RGS7: variants seen among roughly 807,000 people sequenced by gnomAD.
The protein encoded by RGS7 is regulator of G-protein signaling 7.
In RGS7, 27 loss-of-function variants were observed where a neutral mutation model predicts 81.1. The ratio of observed to expected loss-of-function variants is 0.33; its 90% CI spans 0.25 to 0.46. The LOEUF (loss-of-function observed/expected upper bound fraction) is 0.46. Among genes scored for constraint, RGS7 ranks in the 20% least tolerant of loss-of-function variants. The pLI is 1.00. For missense variants in RGS7, 396 were observed against 607.4 expected (o/e 0.65, Z 3.66); for synonymous variants, 208 against 207.7 (o/e 1.00, Z -0.01).
chr1:241,059,890 ACACT>A (rs2061659449), intron 3 of RGS7, among the ~76,000 whole-genome samples: 2 of 152,242 alleles, frequency 1.3e-5, no homozygotes, highest in Admixed American at 1.3e-4. Context: ...AAATGGATCT[ACACT>A]CACTCAATGG....
intron 2 of RGS7, among the ~76,000 whole-genome samples, chr1:241,157,441 C>T (rs2069252291): frequency 6.6e-6 from 1 of 152,204 alleles, no homozygotes; most frequent in Non-Finnish European, 1.5e-5. Context: ...TTGGTTCGCT[C>T]CCTGTGGTCA....
intron 9 of RGS7, among the ~76,000 whole-genome samples, chr1:240,858,135 A>G (rs181732227): frequency 5.3e-5 from 8 of 152,222 alleles, no homozygotes; most frequent in Non-Finnish European, 1.0e-4. Flanking sequence ...AATATACCAT[A>G]GTTATTTTTT....
intron 6 of RGS7, among the ~76,000 whole-genome samples, chr1:240,908,945 A>G (rs1357895483): frequency 6.6e-6 from 1 of 152,254 alleles, no homozygotes; most frequent in Non-Finnish European, 1.5e-5. Context: ...TTATGCTAAC[A>G]TTTGGAACGC....
chr1:240,791,626 T>C (rs1036830315), intron 18 of RGS7, among the ~76,000 whole-genome samples: 6 of 152,206 alleles, frequency 3.9e-5, no homozygotes, highest in African/African-American at 1.2e-4. Context: ...TGAGTATATA[T>C]GAAGCTACAT....
At chr1:241,309,259 G>A (rs753339834) in intron 2 of RGS7, among the ~76,000 whole-genome samples, 5 of 151,422 alleles carry the variant, frequency 3.3e-5, no homozygotes, top group Non-Finnish European at 5.9e-5. Flanking sequence ...GGTGGCAGGC[G>A]CTTGTAATCC....
At chr1:240,983,161 A>T in intron 3 of RGS7, 32 bp from the exon 4 acceptor site, 1 of 1,264,582 alleles carries the variant, frequency 7.9e-7, no homozygotes, top group African/African-American at 1.5e-5. Context: ...ACACAAACAG[A>T]TGTGAACATT....
chr1:241,125,175 T>G (rs1018766237), intron 2 of RGS7, among the ~76,000 whole-genome samples: 1 of 152,176 alleles, frequency 6.6e-6, no homozygotes, highest in Non-Finnish European at 1.5e-5. Flanking sequence ...ATTCTTTTCA[T>G]GGCTTAGCTC....
At chr1:240,879,547 T>C (rs1572559727) in intron 6 of RGS7, among the ~76,000 whole-genome samples, 1 of 152,228 alleles carries the variant, frequency 6.6e-6, no homozygotes, top group East Asian at 1.9e-4. Flanking sequence ...CTCTCTCTGA[T>C]GGTATTTCTT....
intron 2 of RGS7, among the ~76,000 whole-genome samples, chr1:241,354,990 A>T (rs181753093): frequency 6.6e-6 from 1 of 151,278 alleles, no homozygotes; most frequent in African/African-American, 2.4e-5. Flanking sequence ...CATCTTTATT[A>T]TGGTTGCTCA....
intron 2 of RGS7, among the ~76,000 whole-genome samples, chr1:241,241,349 A>G (rs2076249073): frequency 6.6e-6 from 1 of 151,920 alleles, no homozygotes; most frequent in Non-Finnish European, 1.5e-5. Flanking sequence ...AAAAGTAATG[A>G]CAAAAACCAC....
At chr1:241,277,391 G>A (rs796171291) in intron 2 of RGS7, among the ~76,000 whole-genome samples, 7 of 152,234 alleles carry the variant, frequency 4.6e-5, no homozygotes, top group South Asian at 4.1e-4. Context: ...AGGCCGAGGC[G>A]GGCGGATCAC....
At chr1:240,966,053 A>G (rs556943222) in intron 4 of RGS7, among the ~76,000 whole-genome samples, 26 of 152,316 alleles carry the variant, frequency 1.7e-4, no homozygotes, top group African/African-American at 6.3e-4. Context: ...CAGTGGAGCA[A>G]TTCTGGGATT....
intron 6 of RGS7, 141 bp downstream of exon 6, chr1:240,930,576 A>G: frequency 1.2e-6 from 1 of 828,754 alleles, no homozygotes. Flanking sequence ...AAAGCCGCTT[A>G]TCAATTCAAT....
chr1:240,895,658 G>C (rs1329455215), intron 6 of RGS7, among the ~76,000 whole-genome samples: 1 of 152,112 alleles, frequency 6.6e-6, no homozygotes, highest in African/African-American at 2.4e-5. Context: ...TGGTGTATAT[G>C]TGCCACATTT....
intron 4 of RGS7, among the ~76,000 whole-genome samples, chr1:240,957,109 G>A (rs1320490449): frequency 6.6e-6 from 1 of 152,158 alleles, no homozygotes; most frequent in African/African-American, 2.4e-5. Flanking sequence ...GACTGGCAGA[G>A]GCAGACCACC....
At chr1:241,154,770 G>C (rs995000715) in intron 2 of RGS7, among the ~76,000 whole-genome samples, 2 of 152,134 alleles carry the variant, frequency 1.3e-5, no homozygotes, top group African/African-American at 2.4e-5. Context: ...AGAGAGAAAT[G>C]GCAGACAATT....
intron 6 of RGS7, among the ~76,000 whole-genome samples, chr1:240,926,915 T>C (rs549519173): frequency 1.1e-3 from 169 of 152,340 alleles, no homozygotes; most frequent in African/African-American, 4.0e-3. Flanking sequence ...CATTTTTCTA[T>C]AAAACCAAGA....
At chr1:240,986,326 C>T (rs1442325702) in intron 3 of RGS7, among the ~76,000 whole-genome samples, 1 of 152,144 alleles carries the variant, frequency 6.6e-6, no homozygotes, top group Non-Finnish European at 1.5e-5. Context: ...TTCTTCCTTC[C>T]ATGATTTTGC....
chr1:241,244,132 G>GTA (rs1438818073), intron 2 of RGS7, among the ~76,000 whole-genome samples: 1 of 151,930 alleles, frequency 6.6e-6, no homozygotes, highest in East Asian at 1.9e-4. Flanking sequence ...GTGTGTGTGT[G>GTA]TACACAGCAA....
Sources: allele counts gnomAD v4.1 joint callset (sites outside exome capture counted in the v4.1 genomes callset), GRCh38; gene constraint gnomAD v4.1.1; transcripts MANE v1.5; gene names NCBI Gene and HGNC (gene_info 2026-07-23, HGNC 2026-07-21).